The following PTPRD variants were observed in gnomAD, a reference collection of about 807,000 sequenced individuals.
PTPRD encodes the protein receptor-type tyrosine-protein phosphatase delta.
A neutral mutation model predicts 214.5 loss-of-function variants in PTPRD; 34 were observed. The ratio of observed to expected loss-of-function variants is 0.16; its 90% CI spans 0.12 to 0.21. The LOEUF (loss-of-function observed/expected upper bound fraction) is 0.21, where lower values mean the gene tolerates loss of function less well. Among genes scored for constraint, PTPRD ranks in the 10% least tolerant of loss-of-function variants. The probability of loss-of-function intolerance (pLI) is 1.00; values close to 1 mark genes in which losing one functional copy is unlikely to be tolerated. For synonymous variants in PTPRD, 1,128 were observed against 845.7 expected, an observed-to-expected ratio of 1.33 and a Z score of -5.79; for missense variants, 2,545 against 2,398.7, an observed-to-expected ratio of 1.06 and a Z score of -1.27.
rs574797152 is a variant in PTPRD at position 10,029,352 on chromosome 9, C to A, written c.-472+4366G>T. Reference sequence around the variant, plus strand: ...GAGAAGAGAGCCACCATCCTCCAGACCCCAGAATGGTAGATCCACTGACAC... The same window carrying A: ...GAGAAGAGAGCCACCATCCTCCAGAACCCAGAATGGTAGATCCACTGACAC... On this transcript the variant is annotated intron_variant, in intron 4 of 45. Coordinates refer to ENST00000381196, the MANE Select transcript of PTPRD (RefSeq NM_002839.4). Among the ~76,000 whole-genome samples the A allele has an allele frequency of 6.6e-5, 10 of 152,252 alleles. No homozygotes were observed. In the South Asian group the frequency reaches 2.1e-3, roughly 32 times the overall value.
intron 7 of PTPRD, among the ~76,000 whole-genome samples, chr9:9,720,780 G>A (rs61268251): frequency 0.015 from 2,205 of 151,368 alleles, 53 homozygotes; most frequent in African/African-American, 0.05. Flanking sequence ...AATAAAATGC[G>A]ATATATATAC....
chr9:9,294,655 C>T (rs921399830), intron 9 of PTPRD, among the ~76,000 whole-genome samples: 3 of 151,540 alleles, frequency 2.0e-5, no homozygotes, highest in Non-Finnish European at 4.4e-5. Context: ...AGATGGAGGC[C>T]GTCTATCAGC....
At chr9:9,076,348 C>A (rs1398229677) in intron 10 of PTPRD, among the ~76,000 whole-genome samples, 3 of 151,962 alleles carry the variant, frequency 2.0e-5, no homozygotes, top group Admixed American at 2.0e-4. Flanking sequence ...GGTTGCCTGT[C>A]CACTCTGATG....
At chr9:8,960,636 G>C (rs986820720) in intron 11 of PTPRD, among the ~76,000 whole-genome samples, 1 of 152,106 alleles carries the variant, frequency 6.6e-6, no homozygotes, top group Non-Finnish European at 1.5e-5. Context: ...AGATCTGTTA[G>C]TCCTGAGGCA....
intron 3 of PTPRD, among the ~76,000 whole-genome samples, chr9:10,178,644 A>C (rs2099263440): frequency 6.6e-6 from 1 of 152,010 alleles, no homozygotes; most frequent in South Asian, 2.1e-4. Flanking sequence ...TGAAATTTAA[A>C]AAGAAATAAT....
In PTPRD at chr9:8,544,164, C is replaced by CTTTT. The variant is rs373194856; in HGVS notation, c.353-15389_353-15386dup. Among the ~76,000 whole-genome samples the CTTTT allele has an allele frequency of 6.2e-4, 69 of 111,118 alleles. 2 individuals carry two copies. The highest frequency in any genetic ancestry group is 1.7e-3 in the African/African-American group (47 of 27,464). 72.9% of individuals were successfully genotyped at this position (111,118 alleles called of 152,430 possible). ...GTGCAAAAGTAAGGTTTTGCCATTA[C>CTTTT]TTTTTTTTTTTTTTTTTTTTTGAGA... On this transcript the variant is annotated intron_variant, in intron 14 of 45. Coordinates refer to ENST00000381196, the MANE Select transcript of PTPRD (RefSeq NM_002839.4).
At chr9:8,555,889 C>T (rs951033702) in intron 14 of PTPRD, among the ~76,000 whole-genome samples, 1 of 152,150 alleles carries the variant, frequency 6.6e-6, no homozygotes, top group Non-Finnish European at 1.5e-5. Context: ...CCATCTTGGA[C>T]TTTATATTGC....
intron 3 of PTPRD, among the ~76,000 whole-genome samples, chr9:10,164,499 G>C (rs1048817017): frequency 6.6e-6 from 1 of 151,362 alleles, no homozygotes. Flanking sequence ...CCTTTTACAA[G>C]GGGCAGTATG....
chr9:8,812,165 A>C (rs1310910605), intron 11 of PTPRD, among the ~76,000 whole-genome samples: 1 of 152,202 alleles, frequency 6.6e-6, no homozygotes, highest in African/African-American at 2.4e-5. Flanking sequence ...CAAGATCCCC[A>C]ACAGACTTCC....
chr9:9,642,767 C>G (rs1027439596), intron 7 of PTPRD, among the ~76,000 whole-genome samples: 3 of 152,192 alleles, frequency 2.0e-5, no homozygotes, highest in Admixed American at 6.6e-5. Context: ...AATATATTTG[C>G]TCCCTAAATC....
intron 12 of PTPRD, among the ~76,000 whole-genome samples, chr9:8,709,373 T>C (rs963759203): frequency 1.3e-5 from 2 of 151,454 alleles, no homozygotes; most frequent in Non-Finnish European, 2.9e-5. Flanking sequence ...AAATTAGCTG[T>C]GCCTGGTGGC....
At chr9:9,721,422 T>C (rs937355397) in intron 7 of PTPRD, among the ~76,000 whole-genome samples, 3 of 152,136 alleles carry the variant, frequency 2.0e-5, no homozygotes, top group Non-Finnish European at 4.4e-5. Context: ...AAATAATTTA[T>C]AAGAATATGC....
intron 11 of PTPRD, among the ~76,000 whole-genome samples, chr9:9,005,638 C>T (rs1186268511): frequency 2.0e-5 from 3 of 152,020 alleles, no homozygotes; most frequent in Non-Finnish European, 4.4e-5. Flanking sequence ...CTGCTTTCAG[C>T]TGTAGAGGAT....
chr9:10,440,785 T>G (rs56251203), intron 2 of PTPRD, among the ~76,000 whole-genome samples: 14,475 of 151,690 alleles, frequency 0.095, 1,199 homozygotes, highest in African/African-American at 0.22. Context: ...ATATTAAGGT[T>G]GTAGAGGAAC....
At chr9:9,713,914 G>A (rs374489507) in intron 7 of PTPRD, among the ~76,000 whole-genome samples, 2 of 151,976 alleles carry the variant, frequency 1.3e-5, no homozygotes, top group Admixed American at 6.6e-5. Flanking sequence ...CAGTGTAAGT[G>A]TGAGATGCTC....
At chr9:10,016,796 C>G (rs951534486) in intron 4 of PTPRD, among the ~76,000 whole-genome samples, 7 of 151,978 alleles carry the variant, frequency 4.6e-5, no homozygotes, top group African/African-American at 1.2e-4. Context: ...TCCAAAGTAG[C>G]AGGGACTACA....
At chr9:9,428,274 A>G (rs1193986004) in intron 8 of PTPRD, among the ~76,000 whole-genome samples, 1 of 152,196 alleles carries the variant, frequency 6.6e-6, no homozygotes, top group African/African-American at 2.4e-5. Context: ...AATCTCTGAT[A>G]AAACAGATTT....
chr9:10,090,295 T>G (rs118131561), intron 3 of PTPRD, among the ~76,000 whole-genome samples: 2 of 151,732 alleles, frequency 1.3e-5, no homozygotes, highest in African/African-American at 4.8e-5. Context: ...CCTGAGACAA[T>G]GTGGAATTAG....
intron 7 of PTPRD, among the ~76,000 whole-genome samples, chr9:9,592,011 T>A (rs1016783342): frequency 6.6e-6 from 1 of 152,118 alleles, no homozygotes; most frequent in African/African-American, 2.4e-5. Context: ...TTCTAGGAGA[T>A]CAACTTGTTT....
Sources: allele counts gnomAD v4.1 joint callset (sites outside exome capture counted in the v4.1 genomes callset), GRCh38; gene constraint gnomAD v4.1.1; transcripts MANE v1.5; gene names NCBI Gene and HGNC (gene_info 2026-07-23, HGNC 2026-07-21).